PASK: variants seen among roughly 807,000 people sequenced by gnomAD.
The protein encoded by PASK is PAS domain containing serine/threonine kinase, also known as PAS domain-containing serine/threonine-protein kinase.
PASK carries 110 observed loss-of-function variants against 121.0 expected under a neutral mutation model. That is an observed-to-expected ratio of 0.91 (90% CI 0.78 to 1.06). The LOEUF is 1.06. Among genes scored for constraint, PASK ranks in the 50% least tolerant of loss-of-function variants. The pLI is 0.00. For synonymous variants in PASK, 686 were observed against 717.8 expected (o/e 0.96, Z 0.71); for missense variants, 1,643 against 1,702.3 (o/e 0.97, Z 0.61).
chr2:241,119,223 T>C (rs2065497817), intron 12 of PASK, among the ~76,000 whole-genome samples: 1 of 152,210 alleles, frequency 6.6e-6, no homozygotes, highest in Non-Finnish European at 1.5e-5. Flanking sequence ...AGTAACGGCG[T>C]CCGTCCATGG....
chr2:241,140,808 C>T (rs1287936790), intron 2 of PASK, 55 bp from the exon 3 acceptor site: 4 of 1,203,086 alleles, frequency 3.3e-6, no homozygotes, highest in Admixed American at 3.7e-5. Flanking sequence ...CAGAGTCCAC[C>T]TTCTGAAACA....
chr2:241,110,557 G>T (rs1378570786), intron 15 of PASK, among the ~76,000 whole-genome samples: 1 of 152,248 alleles, frequency 6.6e-6, no homozygotes, highest in Non-Finnish European at 1.5e-5. Context: ...GCCCTGGCAG[G>T]GCAGGCGCTC....
chr2:241,113,628 C>T (rs1242229758), intron 14 of PASK: 7 of 721,110 alleles, frequency 9.7e-6, no homozygotes, highest in Non-Finnish European at 1.2e-5. Context: ...AGAAATCACA[C>T]ATGAACTTGA....
chr2:241,122,720 C>A lies in PASK; in HGVS notation c.3072+12G>T, dbSNP rs377193991. On this transcript the variant is annotated intron_variant, in intron 12 of 17. Transcript: ENST00000234040. ...GGTGCCCGGCGCCACTCCCCCCCCA[C>A]AGCCAGGTTACCTCCTTGTTTTTTT... 89 of 1,613,472 alleles carry A rather than the reference C, an allele frequency of 5.5e-5. No individual in the cohort carries two copies. The highest frequency in any genetic ancestry group is 2.2e-4 in the East Asian group (10 of 44,894).
rs150014507 is a variant in PASK, at chr2:241,126,627, G to A, written c.2288C>T (p.Thr763Met). 1,677 of 1,614,196 alleles carry A rather than the reference G, an allele frequency of 1.0e-3. 4 individuals are homozygous for A. Among genetic ancestry groups the A allele is most frequent in the East Asian group, 4.2e-3 (188 of 44,880 alleles). The part of the protein sequence containing the change: ...DQTSSNCSCA[T>M]SELRETPSSL... ...AGAGGGTGTCTCTCTGAGTTCAGAC[G>A]TAGCACAGGAACAATTTGATGACGT... is the stretch of plus-strand genomic sequence containing the variant. Residue 763 changes from threonine to methionine, a missense_variant, in exon 10 of 18, where the codon ACG becomes ATG. Coordinates refer to ENST00000234040, the MANE Select transcript of PASK (RefSeq NM_015148.4).
intron 12 of PASK, among the ~76,000 whole-genome samples, chr2:241,116,200 G>A (rs2065362045): frequency 6.6e-6 from 1 of 151,976 alleles, no homozygotes; most frequent in Non-Finnish European, 1.5e-5. Flanking sequence ...CATTACACCA[G>A]GGCCACCATT....
chr2:241,142,230 G>C (rs1048969305), intron 2 of PASK, among the ~76,000 whole-genome samples: 1 of 152,088 alleles, frequency 6.6e-6, no homozygotes, highest in Non-Finnish European at 1.5e-5. Context: ...ACCATTTCCC[G>C]CAGCTCTATG....
intron 12 of PASK, chr2:241,118,756 C>T: frequency 3.8e-6 from 1 of 263,452 alleles, no homozygotes; most frequent in South Asian, 9.5e-5. Context: ...AGCCCAGGGG[C>T]TGGCAGGGGC....
Position 241,127,513 on chromosome 2 carries a change from G to A in PASK, c.1464-62C>T, listed in dbSNP as rs2065928837. On this transcript the variant is annotated intron_variant, in intron 9 of 17. Transcript: ENST00000234040. ...CACAGATGAGTCAAAAGGAGAGATTGCACCGATTCTCCATTAGAACTAAGT... is the reference window on the plus strand; with the variant it reads ...CACAGATGAGTCAAAAGGAGAGATTACACCGATTCTCCATTAGAACTAAGT... 3.1e-6 allele frequency: 4 copies of A among 1,298,268 alleles called. No individual in the cohort carries two copies. The African/African-American group carries it at 4.4e-5, about 14-fold the overall frequency. 80.4% of individuals were successfully genotyped at this position (1,298,268 alleles called of 1,614,324 possible).
chr2:241,110,645 AT>A (rs1349875825), intron 15 of PASK, among the ~76,000 whole-genome samples: 1 of 152,104 alleles, frequency 6.6e-6, no homozygotes, highest in Non-Finnish European at 1.5e-5. Flanking sequence ...CCCAGGTTGG[AT>A]CCCCCCTGCA....
intron 12 of PASK, chr2:241,118,919 C>T (rs1283047898): frequency 2.9e-6 from 3 of 1,035,714 alleles, no homozygotes; most frequent in Non-Finnish European, 3.5e-6. Flanking sequence ...TCTTCTCATA[C>T]AAGTCCCAGC....
chr2:241,122,640 C>T (rs1168514804), intron 12 of PASK, 92 bp downstream of exon 12: 2 of 1,271,788 alleles, frequency 1.6e-6, no homozygotes, highest in Admixed American at 1.7e-5. Flanking sequence ...TAGAGGACTC[C>T]TCCAAAAACC....
intron 10 of PASK, among the ~76,000 whole-genome samples, chr2:241,125,444 G>C (rs1394412310): frequency 6.7e-6 from 1 of 149,730 alleles, no homozygotes; most frequent in Non-Finnish European, 1.5e-5. Context: ...ACTAAAAATA[G>C]AAAAAATTAG....
chr2:241,120,683 A>C (rs1171189597), intron 12 of PASK, among the ~76,000 whole-genome samples: 1 of 152,210 alleles, frequency 6.6e-6, no homozygotes, highest in Non-Finnish European at 1.5e-5. Flanking sequence ...ATAAGTGTTG[A>C]CAAGGATATG....
chr2:241,147,825 A>C (rs1336828850), intron 1 of PASK, among the ~76,000 whole-genome samples: 2 of 152,186 alleles, frequency 1.3e-5, no homozygotes, highest in Non-Finnish European at 2.9e-5. Flanking sequence ...GGTTACTGAG[A>C]GTTACAAGCC....
Position 241,142,365 on chromosome 2 carries a change from C to T in PASK, c.196+472G>A, listed in dbSNP as rs574879354. Among the ~76,000 whole-genome samples the T allele has an allele frequency of 2.0e-5, 3 of 152,186 alleles. No homozygotes were observed. In the South Asian group the frequency reaches 6.2e-4, roughly 31 times the overall value. ...CTTCCTTCCTCACCATGGCCCAGTCCTTTGGGGTGCCTGGACAAAGGAGGC... is the reference window on the plus strand; with the variant it reads ...CTTCCTTCCTCACCATGGCCCAGTCTTTTGGGGTGCCTGGACAAAGGAGGC... On this transcript the variant is annotated intron_variant, in intron 2 of 17. Transcript: ENST00000234040.
At chr2:241,137,867 A>T in intron 6 of PASK, 86 bp downstream of exon 6, 1 of 1,499,070 alleles carries the variant, frequency 6.7e-7, no homozygotes, top group East Asian at 2.3e-5. Context: ...CCTTGCCTTC[A>T]GAAACCCTTG....
At chr2:241,144,267 C>A (rs554624702) in intron 1 of PASK, among the ~76,000 whole-genome samples, 5 of 152,322 alleles carry the variant, frequency 3.3e-5, no homozygotes, top group African/African-American at 1.2e-4. Flanking sequence ...TATTGGCAAG[C>A]ACTTGAAACA....
At chr2:241,132,467 A>T (rs1399748179) in intron 9 of PASK, among the ~76,000 whole-genome samples, 6 of 75,038 alleles carry the variant, frequency 8.0e-5, no homozygotes, top group South Asian at 1.2e-3. Context: ...CAATGCAATG[A>T]GCAATGAGCT....
Sources: gnomAD v4.1 joint callset for allele counts (sites outside exome capture counted in the v4.1 genomes callset) on GRCh38, gnomAD v4.1.1 for gene constraint, MANE v1.5 for transcripts, NCBI Gene and HGNC (gene_info 2026-07-23, HGNC 2026-07-21) for gene names.